Variants in FAM163B observed in about 807,000 individuals in gnomAD.
FAM163B encodes protein FAM163B.
A neutral mutation model predicts 7.6 loss-of-function variants in FAM163B; 4 were observed. The ratio of observed to expected loss-of-function variants is 0.52; its 90% CI spans 0.26 to 1.20. The LOEUF is 1.20. FAM163B is among the 50% of genes most tolerant of loss of function. The pLI is 0.14. For missense variants in FAM163B, 250 were observed against 243.0 expected (o/e 1.03, Z -0.19); for synonymous variants, 120 against 111.6 (o/e 1.07, Z -0.47).
intron 1 of FAM163B, among the ~76,000 whole-genome samples, chr9:133,593,938 C>T (rs925743668): frequency 6.6e-6 from 1 of 152,032 alleles, no homozygotes; most frequent in Non-Finnish European, 1.5e-5. Flanking sequence ...CACATCCACT[C>T]CCCCTCTGCC....
At chr9:133,592,833 G>C (rs1324450764) in intron 1 of FAM163B, among the ~76,000 whole-genome samples, 4 of 152,140 alleles carry the variant, frequency 2.6e-5, no homozygotes, top group African/African-American at 9.7e-5. Flanking sequence ...GATTCTGACC[G>C]ATGCTGCTGG....
At chr9:133,603,286 A>C (rs3025333) in intron 1 of FAM163B, among the ~76,000 whole-genome samples, 100,844 of 152,048 alleles carry the variant, frequency 0.66, 35,418 homozygotes, top group African/African-American at 0.9. Context: ...TCCAATGCAT[A>C]CCCAGCGCAT....
In FAM163B at chr9:133,600,059, TTGTG is replaced by T. The variant is rs1454116215; in HGVS notation, c.-24+9014_-24+9017del. Among the ~76,000 whole-genome samples the T allele has an allele frequency of 1.6e-5, 2 of 121,282 alleles. No homozygotes were observed. Among genetic ancestry groups the T allele is most frequent in the South Asian group, 2.7e-4 (1 of 3,738 alleles). The allele number at this position is 121,282 out of a possible 152,430, so 79.6% of individuals were successfully genotyped here. On this transcript the variant is annotated intron_variant, in intron 1 of 2. Transcript: ENST00000673969. This position sits in a 1 kb window ranked among gnomAD's most constrained non-coding sequence, Gnocchi z 4.9. ...GTGGTCTGTGTGGATGTGTGTGAGT[TTGTG>T]TGTGCATGTGTGTGTGTCTGTGTGC...
At chr9:133,592,181 A>C (rs544876244) in intron 1 of FAM163B, among the ~76,000 whole-genome samples, 1 of 152,274 alleles carries the variant, frequency 6.6e-6, no homozygotes, top group South Asian at 2.1e-4. Context: ...TGGGTGCTCC[A>C]TAAATGCCTG....
At chr9:133,594,858 G>C (rs78019638) in intron 1 of FAM163B, among the ~76,000 whole-genome samples, 2,379 of 152,246 alleles carry the variant, frequency 0.016, 70 homozygotes, top group East Asian at 0.13. Flanking sequence ...AATGGCACTT[G>C]CAAAGGCCCA....
intron 1 of FAM163B, among the ~76,000 whole-genome samples, chr9:133,593,886 C>T (rs2131247693): frequency 6.6e-6 from 1 of 152,292 alleles, no homozygotes; most frequent in South Asian, 2.1e-4. Flanking sequence ...AATTTCCCTT[C>T]CTAAGTCTGG....
At chr9:133,590,855 C>T (rs1037391085) in intron 1 of FAM163B, among the ~76,000 whole-genome samples, 4 of 152,222 alleles carry the variant, frequency 2.6e-5, no homozygotes, top group Non-Finnish European at 4.4e-5. Context: ...ACAGCATTCT[C>T]GGTCAGGACA....
At chr9:133,581,368 A>G (rs1433448707) in intron 1 of FAM163B, among the ~76,000 whole-genome samples, 1 of 151,914 alleles carries the variant, frequency 6.6e-6, no homozygotes, top group Non-Finnish European at 1.5e-5. Flanking sequence ...CCCAAGCCTC[A>G]TTTTTATTTT....
chr9:133,595,120 C>T (rs1052651048), intron 1 of FAM163B, among the ~76,000 whole-genome samples: 3 of 152,146 alleles, frequency 2.0e-5, no homozygotes, highest in Non-Finnish European at 2.9e-5. Flanking sequence ...GCCTGGGGAG[C>T]GGGGCTGCAG....
At chr9:133,604,759 A>ATGCTGC (rs57205982) in intron 1 of FAM163B, among the ~76,000 whole-genome samples, 4 of 151,556 alleles carry the variant, frequency 2.6e-5, no homozygotes, top group South Asian at 2.1e-4. Context: ...GTTCCTAGGG[A>ATGCTGC]TGCTGCTGCT....
At position 133,595,499 on chromosome 9, in the gene FAM163B, G is replaced by A. The variant is rs144653234; in HGVS notation, c.-24+13578C>T. Among the ~76,000 whole-genome samples the A allele has an allele frequency of 2.8e-4, 43 of 152,290 alleles. No homozygotes were observed. In the East Asian group the frequency reaches 5.2e-3, roughly 18 times the overall value. On this transcript the variant is annotated intron_variant, in intron 1 of 2. Coordinates refer to ENST00000673969, the MANE Select transcript of FAM163B (RefSeq NM_001080515.3). ...CTGGTGCTGCTGGTGCGGCATCCTCGGACCACACTTTGAGGACAAGGGGCT... is the reference window on the plus strand; with the variant it reads ...CTGGTGCTGCTGGTGCGGCATCCTCAGACCACACTTTGAGGACAAGGGGCT...
chr9:133,594,422 G>A (rs938000687), intron 1 of FAM163B, among the ~76,000 whole-genome samples: 2 of 152,232 alleles, frequency 1.3e-5, no homozygotes, highest in Admixed American at 6.5e-5. Flanking sequence ...CTTTGCTAGT[G>A]TCATTCCCAG....
Position 133,600,063 on chromosome 9 carries a change from G to A in FAM163B, c.-24+9014C>T, listed in dbSNP as rs545116881. ...TCTGTGTGGATGTGTGTGAGTTTGTGTGTGCATGTGTGTGTGTCTGTGTGC... is the reference window on the plus strand; with the variant it reads ...TCTGTGTGGATGTGTGTGAGTTTGTATGTGCATGTGTGTGTGTCTGTGTGC... On this transcript the variant is annotated intron_variant, in intron 1 of 2. Coordinates refer to ENST00000673969, the MANE Select transcript of FAM163B (RefSeq NM_001080515.3). The surrounding 1 kb of genome is among the most constrained non-coding windows in gnomAD (Gnocchi z 4.9). 1.4e-5 allele frequency among the ~76,000 whole-genome samples: 2 copies of A among 147,306 alleles called. No individual in the cohort carries two copies. Among genetic ancestry groups the A allele is most frequent in the East Asian group, 2.0e-4 (1 of 5,124 alleles).
At chr9:133,593,330 G>C (rs949124925) in intron 1 of FAM163B, among the ~76,000 whole-genome samples, 6 of 152,114 alleles carry the variant, frequency 3.9e-5, no homozygotes, top group African/African-American at 1.4e-4. Context: ...AGAAAATCCT[G>C]CCCATTTAGT....
intron 1 of FAM163B, among the ~76,000 whole-genome samples, chr9:133,591,568 T>C (rs1170899603): frequency 6.6e-6 from 1 of 152,162 alleles, no homozygotes; most frequent in Non-Finnish European, 1.5e-5. Context: ...ACATTGGGCT[T>C]ACACCAGCAT....
intron 1 of FAM163B, among the ~76,000 whole-genome samples, chr9:133,584,100 C>T (rs1831397222): frequency 6.6e-6 from 1 of 152,138 alleles, no homozygotes; most frequent in Non-Finnish European, 1.5e-5. Flanking sequence ...CCCTCCTCTC[C>T]CAGGAAGCCT....
rs1179820742 is a variant in FAM163B at position 133,594,326 on chromosome 9, GCCC to G, written c.-23-14083_-23-14081del. On this transcript the variant is annotated intron_variant, in intron 1 of 2. Transcript: ENST00000673969. ...TTACATTTCTGGCCTCACCTGCACT[GCCC>G]CAATGCCCTTTAGACTTGTCTGGGT... Among the ~76,000 whole-genome samples, 11 of 152,276 alleles carry G rather than the reference GCCC, an allele frequency of 7.2e-5. No homozygotes were observed. In the East Asian group the frequency reaches 2.1e-3, roughly 29 times the overall value.
In FAM163B at chr9:133,606,102, T is replaced by C. The variant is rs1258659495; in HGVS notation, c.-24+2975A>G. 6.6e-6 allele frequency among the ~76,000 whole-genome samples: 1 copy of C among 152,154 alleles called. No homozygotes were observed. The highest frequency in any genetic ancestry group is 2.4e-5 in the African/African-American group (1 of 41,440). The stretch of plus-strand genomic sequence containing the variant: ...CCCACCTGACTCTCCAGCCTCCTCC[T>C]TCACTGATGAGGCCCGAGGGAAGGA... On this transcript the variant is annotated intron_variant, in intron 1 of 2. Transcript: ENST00000673969. This position sits in a 1 kb window ranked among gnomAD's most constrained non-coding sequence, Gnocchi z 4.0.
At chr9:133,604,220 T>C (rs1163749954) in intron 1 of FAM163B, among the ~76,000 whole-genome samples, 1 of 152,216 alleles carries the variant, frequency 6.6e-6, no homozygotes, top group Non-Finnish European at 1.5e-5. Context: ...AGTGAACAAG[T>C]ATATAAAATG....
Sources: gnomAD v4.1 joint callset for allele counts (sites outside exome capture counted in the v4.1 genomes callset) on GRCh38, gnomAD v4.1.1 for gene constraint, Gnocchi (gnomAD v3.1) non-coding constraint, MANE v1.5 for transcripts, NCBI Gene and HGNC (gene_info 2026-07-23, HGNC 2026-07-21) for gene names.